The following MAGI3 variants were observed in gnomAD, a reference collection of about 807,000 sequenced individuals.
The protein encoded by MAGI3 is membrane associated guanylate kinase, WW and PDZ domain containing 3.
In MAGI3, 43 loss-of-function variants were observed where a neutral mutation model predicts 121.8. The ratio of observed to expected loss-of-function variants is 0.35; its 90% CI spans 0.28 to 0.46. The LOEUF is 0.46. Among genes scored for constraint, MAGI3 ranks in the 20% least tolerant of loss-of-function variants. The probability of loss-of-function intolerance (pLI) is 1.00; values close to 1 mark genes in which losing one functional copy is unlikely to be tolerated. For synonymous variants in MAGI3, 553 were observed against 639.3 expected (o/e 0.86, Z 2.04); for missense variants, 1,547 against 1,797.3 (o/e 0.86, Z 2.52).
intron 1 of MAGI3, among the ~76,000 whole-genome samples, chr1:113,451,690 G>A (rs1255961800): frequency 2.0e-5 from 3 of 151,976 alleles, no homozygotes; most frequent in Admixed American, 2.0e-4. Context: ...TATTTCCCTG[G>A]GGAACACGGC....
At chr1:113,632,856 A>G (rs963313531) in intron 9 of MAGI3, among the ~76,000 whole-genome samples, 6 of 152,106 alleles carry the variant, frequency 3.9e-5, no homozygotes, top group African/African-American at 1.4e-4. Flanking sequence ...TGAATTTTTA[A>G]AGTACATTGT....
At chr1:113,653,306 C>G (rs996322619) in intron 14 of MAGI3, among the ~76,000 whole-genome samples, 2 of 152,118 alleles carry the variant, frequency 1.3e-5, no homozygotes, top group Admixed American at 6.6e-5. Context: ...AATTTTTTTA[C>G]TATCAAATCT....
chr1:113,659,511 G>A (rs1653669913), intron 16 of MAGI3, among the ~76,000 whole-genome samples: 1 of 152,196 alleles, frequency 6.6e-6, no homozygotes, highest in East Asian at 1.9e-4. Context: ...TGCTAGAGAA[G>A]CAAGCACCCA....
intron 1 of MAGI3, among the ~76,000 whole-genome samples, chr1:113,535,855 T>A (rs1658951472): frequency 6.6e-6 from 1 of 152,142 alleles, no homozygotes; most frequent in Non-Finnish European, 1.5e-5. Flanking sequence ...CTACAAGGTG[T>A]CCGTCTCACC....
At chr1:113,453,499 AT>A (rs1654586345) in intron 1 of MAGI3, among the ~76,000 whole-genome samples, 4 of 152,184 alleles carry the variant, frequency 2.6e-5, no homozygotes, top group Admixed American at 1.3e-4. Flanking sequence ...ATTTCATAAT[AT>A]TTAATTAAAT....
chr1:113,681,408 AT>A, intron 20 of MAGI3, 72 bp downstream of exon 20: 1 of 1,501,034 alleles, frequency 6.7e-7, no homozygotes, highest in East Asian at 2.3e-5. Flanking sequence ...AGGAATATAT[AT>A]TTGGAGAGGA....
chr1:113,674,578 T>G (rs1200040803), intron 19 of MAGI3, among the ~76,000 whole-genome samples: 1 of 152,152 alleles, frequency 6.6e-6, no homozygotes. Flanking sequence ...GGAACTTTTT[T>G]TTTTTAATTT....
rs1210695776 is a variant in MAGI3, at chr1:113,391,162, C to T, written c.129C>T (p.Pro43=). 3.2e-6 allele frequency: 5 copies of T among 1,556,706 alleles called. No homozygotes were observed. The highest frequency in any genetic ancestry group is 2.4e-5 in the East Asian group (1 of 41,584). The change falls in exon 1 of 21, where the codon CCC becomes CCT. Residue 43 remains proline, a synonymous_variant. Coordinates refer to ENST00000307546, the MANE Select transcript of MAGI3 (RefSeq NM_001142782.2). This position sits in a 1 kb window ranked among gnomAD's most constrained non-coding sequence, Gnocchi z 4.4. ...GTGGCGCGGAGCGTGGCGAGTTCCC[C>T]TACCTGGGGCGGCTCCGCGAGGAGC... ...IRGGAERGEF[P]YLGRLREEPG...
At chr1:113,403,233 T>C (rs1378299709) in intron 1 of MAGI3, among the ~76,000 whole-genome samples, 1 of 151,972 alleles carries the variant, frequency 6.6e-6, no homozygotes, top group Non-Finnish European at 1.5e-5. Context: ...AGGTTGCTAC[T>C]GAAACAGTGG....
intron 1 of MAGI3, among the ~76,000 whole-genome samples, chr1:113,447,205 A>G (rs1387722325): frequency 6.6e-6 from 1 of 152,206 alleles, no homozygotes; most frequent in Non-Finnish European, 1.5e-5. Flanking sequence ...TGTAACAGAA[A>G]ACCTGAGATT....
intron 6 of MAGI3, among the ~76,000 whole-genome samples, chr1:113,604,091 A>G (rs531748765): frequency 6.6e-6 from 1 of 152,324 alleles, no homozygotes; most frequent in African/African-American, 2.4e-5. Flanking sequence ...TTAAAGAACT[A>G]AAATTAGATC....
At chr1:113,567,004 G>T (rs947038440) in intron 2 of MAGI3, among the ~76,000 whole-genome samples, 34 of 148,782 alleles carry the variant, frequency 2.3e-4, no homozygotes, top group African/African-American at 8.1e-4. Flanking sequence ...ACCAGGAGTT[G>T]TTTTTTTTTA....
intron 9 of MAGI3, among the ~76,000 whole-genome samples, chr1:113,634,354 G>T (rs1361795573): frequency 6.6e-6 from 1 of 152,114 alleles, no homozygotes; most frequent in Non-Finnish European, 1.5e-5. Flanking sequence ...TTCTTCTAGG[G>T]TTTTTATGGT....
At chr1:113,433,217 G>A (rs1160403951) in intron 1 of MAGI3, among the ~76,000 whole-genome samples, 1 of 152,154 alleles carries the variant, frequency 6.6e-6, no homozygotes, top group Non-Finnish European at 1.5e-5. Context: ...TTGGCATTAT[G>A]TTGAGCTTGT....
intron 5 of MAGI3, among the ~76,000 whole-genome samples, chr1:113,591,221 A>G (rs1648672045): frequency 6.6e-6 from 1 of 152,116 alleles, no homozygotes; most frequent in Non-Finnish European, 1.5e-5. Context: ...TGATTACCAT[A>G]TATATTAGAT....
intron 2 of MAGI3, among the ~76,000 whole-genome samples, chr1:113,578,415 C>CTT (rs532559499): frequency 6.8e-6 from 1 of 147,826 alleles, no homozygotes; most frequent in Admixed American, 6.8e-5. Flanking sequence ...CTTGAATTTC[C>CTT]TTTTTTTTTT....
intron 1 of MAGI3, among the ~76,000 whole-genome samples, chr1:113,485,481 C>T (rs2101571898): frequency 6.6e-6 from 1 of 152,192 alleles, no homozygotes; most frequent in South Asian, 2.1e-4. Flanking sequence ...CTATTCATGT[C>T]CTTAGCCCAC....
At chr1:113,571,782 G>C (rs999867217) in intron 2 of MAGI3, among the ~76,000 whole-genome samples, 2 of 152,174 alleles carry the variant, frequency 1.3e-5, no homozygotes, top group African/African-American at 4.8e-5. Flanking sequence ...ATCAGCTTAA[G>C]GAGTTTTTGG....
At chr1:113,520,675 T>C (rs1470902904) in intron 1 of MAGI3, among the ~76,000 whole-genome samples, 2 of 152,144 alleles carry the variant, frequency 1.3e-5, no homozygotes, top group East Asian at 3.9e-4. Context: ...TGCAATCAGC[T>C]CACCACAACT....
Sources: gnomAD v4.1 joint callset for allele counts (sites outside exome capture counted in the v4.1 genomes callset) on GRCh38, gnomAD v4.1.1 for gene constraint, Gnocchi (gnomAD v3.1) non-coding constraint, MANE v1.5 for transcripts, NCBI Gene and HGNC (gene_info 2026-07-23, HGNC 2026-07-21) for gene names.